The following ZNF462 variants were observed in gnomAD, a reference collection of about 807,000 sequenced individuals.
The protein encoded by ZNF462 is zinc finger PBX1-interacting protein.
Under a neutral mutation model 201.9 loss-of-function variants are expected in ZNF462, and 10 were observed. The observed-to-expected ratio is 0.05, with a 90% CI of 0.03 to 0.08. The LOEUF is 0.08. Ranked by LOEUF, ZNF462 falls within the 10% of genes least tolerant of loss-of-function variation. The probability of loss-of-function intolerance (pLI) is 1.00; values close to 1 mark genes in which losing one functional copy is unlikely to be tolerated. For missense variants in ZNF462, 2,523 were observed against 3,168.3 expected, an observed-to-expected ratio of 0.80 and a Z score of 4.89; for synonymous variants, 1,227 against 1,193.3, an observed-to-expected ratio of 1.03 and a Z score of -0.58.
At chr9:106,998,193 CA>C (rs1355051035) in intron 10 of ZNF462, among the ~76,000 whole-genome samples, 1 of 152,124 alleles carries the variant, frequency 6.6e-6, no homozygotes, top group Non-Finnish European at 1.5e-5. Flanking sequence ...TTTGAAGCTA[CA>C]AATGTTAAGT....
intron 10 of ZNF462, among the ~76,000 whole-genome samples, chr9:107,002,065 C>A (rs2132625892): frequency 6.6e-6 from 1 of 152,226 alleles, no homozygotes; most frequent in South Asian, 2.1e-4. Context: ...CTGCCAGGCA[C>A]ATGGAATTGG....
At chr9:106,873,457 A>G (rs1394663076) in intron 1 of ZNF462, among the ~76,000 whole-genome samples, 1 of 151,156 alleles carries the variant, frequency 6.6e-6, no homozygotes, top group Non-Finnish European at 1.5e-5. Context: ...TTTTTTCTTC[A>G]TAGGGCCCCT....
chr9:106,936,356 G>A (rs1375021535), intron 6 of ZNF462, among the ~76,000 whole-genome samples: 1 of 152,128 alleles, frequency 6.6e-6, no homozygotes, highest in Non-Finnish European at 1.5e-5. Flanking sequence ...CTTGTGCCTT[G>A]TATAACCCTT....
intron 1 of ZNF462, among the ~76,000 whole-genome samples, chr9:106,904,804 A>G (rs1829200058): frequency 6.6e-6 from 1 of 151,962 alleles, no homozygotes; most frequent in Non-Finnish European, 1.5e-5. Flanking sequence ...TTCCATGAAT[A>G]TCTCTCCCTT....
In ZNF462 at chr9:106,984,325, A is replaced by C; in HGVS notation, c.6972A>C (p.Glu2324Asp). Residue 2324 changes from glutamate to aspartate, a missense_variant, in exon 10 of 13, where the codon GAA becomes GAC. Transcript: ENST00000277225. This position sits in a 1 kb window ranked among gnomAD's most constrained non-coding sequence, Gnocchi z 6.4. ...SLQQHIEKHN[E>D]LKPYKCQLCY... ...AGCAACATATAGAAAAGCACAATGAACTGAAACCTTACAAATGCCAGCTCT... is the reference window on the plus strand; with the variant it reads ...AGCAACATATAGAAAAGCACAATGACCTGAAACCTTACAAATGCCAGCTCT... The C allele has an allele frequency of 6.2e-7, 1 of 1,614,090 alleles. No homozygotes were observed. Among genetic ancestry groups the C allele is most frequent in the South Asian group, 1.1e-5 (1 of 91,082 alleles).
intron 8 of ZNF462, among the ~76,000 whole-genome samples, chr9:106,973,002 ACTAT>A (rs1395190130): frequency 6.6e-6 from 1 of 152,206 alleles, no homozygotes; most frequent in African/African-American, 2.4e-5. Context: ...TCACTAAGAC[ACTAT>A]CTGTGTCCCT....
In ZNF462 at chr9:106,974,313, G is replaced by A. The variant is rs762571662; in HGVS notation, c.6832+40G>A. 5.0e-6 allele frequency: 8 copies of A among 1,613,832 alleles called. No individual in the cohort carries two copies. The highest frequency in any genetic ancestry group is 4.5e-5 in the East Asian group (2 of 44,872). On this transcript the variant is annotated intron_variant, in intron 9 of 12. Coordinates refer to ENST00000277225, the MANE Select transcript of ZNF462 (RefSeq NM_021224.6). The surrounding 1 kb of genome is among the most constrained non-coding windows in gnomAD (Gnocchi z 4.0). ...TTGGTTTTCTTGGATGCAGCGGGGG[G>A]CAGGCAGCAGAGATGGCCTTCTAGG...
rs374001962 is a variant in ZNF462 at position 106,981,015 on chromosome 9, C to A, written c.6833-3171C>A. On this transcript the variant is annotated intron_variant, in intron 9 of 12. Transcript: ENST00000277225. The surrounding 1 kb of genome is among the most constrained non-coding windows in gnomAD (Gnocchi z 4.0). ...ACCTCATTCAGAAAACACTGTCAGTCATTTGCCCACCTTTTAAAGTCTGTC... is the reference window on the plus strand; with the variant it reads ...ACCTCATTCAGAAAACACTGTCAGTAATTTGCCCACCTTTTAAAGTCTGTC... 5.8e-4 allele frequency among the ~76,000 whole-genome samples: 89 copies of A among 152,194 alleles called. No homozygotes were observed. Among genetic ancestry groups the A allele is most frequent in the African/African-American group, 2.1e-3 (86 of 41,458 alleles).
intron 10 of ZNF462, among the ~76,000 whole-genome samples, chr9:106,987,826 A>C (rs1009527998): frequency 6.6e-6 from 1 of 152,022 alleles, no homozygotes; most frequent in Non-Finnish European, 1.5e-5. Context: ...ATCCATCTTG[A>C]GTTGATTTTT....
chr9:106,879,899 G>A (rs79672401), intron 1 of ZNF462, among the ~76,000 whole-genome samples: 1,540 of 152,246 alleles, frequency 0.01, 23 homozygotes, highest in South Asian at 0.063. Flanking sequence ...TGGCATGAGA[G>A]GGGAAGAAAT....
At position 106,917,002 on chromosome 9, in the gene ZNF462, G is replaced by C. The variant is rs1437382259; in HGVS notation, c.-30-6352G>C. Among the ~76,000 whole-genome samples the C allele has an allele frequency of 6.6e-6, 1 of 152,052 alleles. No individual in the cohort carries two copies. The highest frequency in any genetic ancestry group is 1.5e-5 in the Non-Finnish European group (1 of 68,022). ...TTTTATCTCCTTATTCAAATCACAC[G>C]CTTCCTTTTCTACGGACAGGAGAGC... On this transcript the variant is annotated intron_variant, in intron 1 of 12. Transcript: ENST00000277225. This position sits in a 1 kb window ranked among gnomAD's most constrained non-coding sequence, Gnocchi z 4.5.
intron 7 of ZNF462, among the ~76,000 whole-genome samples, chr9:106,957,725 T>C (rs1171445636): frequency 5.3e-5 from 8 of 152,068 alleles, no homozygotes; most frequent in Non-Finnish European, 8.8e-5. Context: ...AGCGTCTGAG[T>C]TGACAAATGG....
At position 106,865,124 on chromosome 9, in the gene ZNF462, G is replaced by C. The variant is rs545347253; in HGVS notation, c.-31+1769G>C. Among the ~76,000 whole-genome samples the C allele has an allele frequency of 2.0e-5, 3 of 152,148 alleles. No individual in the cohort carries two copies. The highest frequency in any genetic ancestry group is 4.2e-4 in the South Asian group (2 of 4,806). ...ATGCAAGGAAATGAGGGCTTTTAAG[G>C]GTTCCTCAGATTTTTCTCCACCAAA... On this transcript the variant is annotated intron_variant, in intron 1 of 12. Transcript: ENST00000277225. This position sits in a 1 kb window ranked among gnomAD's most constrained non-coding sequence, Gnocchi z 4.1.
Position 106,876,146 on chromosome 9 carries a change from T to G in ZNF462, c.-31+12791T>G, listed in dbSNP as rs991813851. The stretch of plus-strand genomic sequence containing the variant: ...ACAAGCTGAGGCTGAAATTTGTCTC[T>G]GTCCATTACTAGCTGTGGGACCTTG... On this transcript the variant is annotated intron_variant, in intron 1 of 12. Coordinates refer to ENST00000277225, the MANE Select transcript of ZNF462 (RefSeq NM_021224.6). This position sits in a 1 kb window ranked among gnomAD's most constrained non-coding sequence, Gnocchi z 4.9. 1.3e-5 allele frequency among the ~76,000 whole-genome samples: 2 copies of G among 152,226 alleles called. No homozygotes were observed. Among genetic ancestry groups the G allele is most frequent in the African/African-American group, 4.8e-5 (2 of 41,462 alleles).
intron 1 of ZNF462, among the ~76,000 whole-genome samples, chr9:106,868,042 T>G (rs2130799495): frequency 6.7e-6 from 1 of 150,040 alleles, no homozygotes; most frequent in East Asian, 2.0e-4. Context: ...GGGAGACTAT[T>G]TCCATGACTG....
At chr9:106,864,457 C>T (rs1206966442) in intron 1 of ZNF462, among the ~76,000 whole-genome samples, 2 of 151,950 alleles carry the variant, frequency 1.3e-5, no homozygotes, top group Non-Finnish European at 2.9e-5. Flanking sequence ...CAGCCGCCCC[C>T]CATTGGAGCA....
chr9:106,937,784 AATC>A (rs1588086509), intron 6 of ZNF462, among the ~76,000 whole-genome samples: 2 of 152,200 alleles, frequency 1.3e-5, no homozygotes, highest in East Asian at 3.8e-4. Flanking sequence ...GAATAAAATA[AATC>A]ATCAATAGGA....
At chr9:106,897,299 T>G (rs1164068871) in intron 1 of ZNF462, among the ~76,000 whole-genome samples, 1 of 152,172 alleles carries the variant, frequency 6.6e-6, no homozygotes, top group Admixed American at 6.5e-5. Context: ...TTTTTTCACT[T>G]AACTATAAAC....
Position 106,981,768 on chromosome 9 carries a change from A to G in ZNF462, c.6833-2418A>G, listed in dbSNP as rs1827449348. Among the ~76,000 whole-genome samples, 1 of 152,196 alleles carries G rather than the reference A, an allele frequency of 6.6e-6. No homozygotes were observed. Among genetic ancestry groups the G allele is most frequent in the African/African-American group, 2.4e-5 (1 of 41,452 alleles). ...GGAGGCTCATAAAAAAGTTTGAAAG[A>G]ACTGATTATTAATTGTGGAGAAGTG... On this transcript the variant is annotated intron_variant, in intron 9 of 12. Transcript: ENST00000277225. The surrounding 1 kb of genome is among the most constrained non-coding windows in gnomAD (Gnocchi z 4.0).
Sources: allele counts gnomAD v4.1 joint callset (sites outside exome capture counted in the v4.1 genomes callset), GRCh38; gene constraint gnomAD v4.1.1; non-coding constraint Gnocchi (gnomAD v3.1); transcripts MANE v1.5; gene names NCBI Gene and HGNC (gene_info 2026-07-23, HGNC 2026-07-21).